Variants in SLC26A7 observed in about 807,000 individuals in gnomAD.
The protein encoded by SLC26A7 is anion exchange transporter.
Under a neutral mutation model 82.5 loss-of-function variants are expected in SLC26A7, and 59 were observed. The ratio of observed to expected loss-of-function variants is 0.72; its 90% CI spans 0.58 to 0.89. The LOEUF (loss-of-function observed/expected upper bound fraction) is 0.89, where lower values mean the gene tolerates loss of function less well. SLC26A7 is among the 40% of genes least tolerant of loss of function. SLC26A7 has a pLI of 0.00. For synonymous variants in SLC26A7, 271 were observed against 274.3 expected (o/e 0.99, Z 0.12); for missense variants, 820 against 793.0 (o/e 1.03, Z -0.41).
intron 2 of SLC26A7, among the ~76,000 whole-genome samples, chr8:91,281,131 G>A (rs1335678636): frequency 6.6e-6 from 1 of 152,124 alleles, no homozygotes; most frequent in African/African-American, 2.4e-5. Context: ...AATCAAAAAT[G>A]TTTAAATTGC....
At chr8:91,388,197 C>G (rs1273432345) in intron 15 of SLC26A7, among the ~76,000 whole-genome samples, 2 of 152,084 alleles carry the variant, frequency 1.3e-5, no homozygotes, top group East Asian at 1.9e-4. Flanking sequence ...GTGGCACGAT[C>G]TCGACTCACT....
intron 15 of SLC26A7, among the ~76,000 whole-genome samples, chr8:91,374,787 A>G (rs1814462896): frequency 6.6e-6 from 1 of 152,016 alleles, no homozygotes; most frequent in Admixed American, 6.5e-5. Flanking sequence ...TTCCTTTGTT[A>G]GTTTTCTGCC....
At chr8:91,287,384 G>A (rs1048537191) in intron 2 of SLC26A7, among the ~76,000 whole-genome samples, 5 of 152,144 alleles carry the variant, frequency 3.3e-5, no homozygotes, top group Admixed American at 6.5e-5. Context: ...AGCTATTCAC[G>A]CTATTCATAT....
intron 4 of SLC26A7, among the ~76,000 whole-genome samples, chr8:91,310,956 T>G (rs1290623792): frequency 6.6e-6 from 1 of 152,116 alleles, no homozygotes; most frequent in African/African-American, 2.4e-5. Context: ...TCTAATAAAC[T>G]TTCAATCCTG....
chr8:91,389,187 T>C (rs1287810771), intron 15 of SLC26A7, 151 bp from the exon 16 acceptor site: 2 of 619,980 alleles, frequency 3.2e-6, no homozygotes, highest in Non-Finnish European at 5.8e-6. Flanking sequence ...TCAGGAATAA[T>C]TAATAATTTA....
At chr8:91,255,767 C>T (rs1217052933) in intron 2 of SLC26A7, among the ~76,000 whole-genome samples, 2 of 151,960 alleles carry the variant, frequency 1.3e-5, no homozygotes, top group Non-Finnish European at 1.5e-5. Flanking sequence ...ATTAAAGGAC[C>T]CTGTATTTAT....
chr8:91,276,134 TTC>T (rs1338995736), intron 2 of SLC26A7, among the ~76,000 whole-genome samples: 4 of 152,200 alleles, frequency 2.6e-5, no homozygotes, highest in Admixed American at 1.3e-4. Flanking sequence ...ACTTACATAA[TTC>T]TGTCACTTTA....
At chr8:91,359,654 T>A (rs1813991398) in intron 11 of SLC26A7, among the ~76,000 whole-genome samples, 1 of 152,144 alleles carries the variant, frequency 6.6e-6, no homozygotes, top group African/African-American at 2.4e-5. Flanking sequence ...AGTGGATAGA[T>A]ATCTCTTAGC....
chr8:91,324,769 G>A (rs572938997), intron 5 of SLC26A7, among the ~76,000 whole-genome samples: 113 of 152,294 alleles, frequency 7.4e-4, no homozygotes, highest in African/African-American at 2.2e-3. Flanking sequence ...GGTGGGTAAC[G>A]TGGTCAAGTG....
chr8:91,332,386 A>T (rs1014204864), intron 5 of SLC26A7, among the ~76,000 whole-genome samples: 16 of 128,688 alleles, frequency 1.2e-4, no homozygotes, highest in Admixed American at 9.4e-4. Flanking sequence ...ATAATAATTT[A>T]AAAATATATT....
chr8:91,364,555 AT>A (rs1439284411), intron 13 of SLC26A7, among the ~76,000 whole-genome samples: 10 of 152,226 alleles, frequency 6.6e-5, no homozygotes, highest in African/African-American at 1.9e-4. Flanking sequence ...TTCCATGGGA[AT>A]TTAGTGCTTG....
chr8:91,362,481 C>A, intron 12 of SLC26A7, 22 bp downstream of exon 12: 1 of 1,592,822 alleles, frequency 6.3e-7, no homozygotes, highest in South Asian at 1.1e-5. Flanking sequence ...TGTAAATGCT[C>A]TGTTTATTTT....
intron 16 of SLC26A7, among the ~76,000 whole-genome samples, chr8:91,391,419 C>A (rs2130907687): frequency 6.6e-6 from 1 of 152,290 alleles, no homozygotes; most frequent in South Asian, 2.1e-4. Flanking sequence ...TATCAGAGGC[C>A]TGAAATCTAG....
chr8:91,262,479 C>T (rs1810996081), intron 2 of SLC26A7, among the ~76,000 whole-genome samples: 2 of 151,942 alleles, frequency 1.3e-5, no homozygotes, highest in South Asian at 4.1e-4. Flanking sequence ...GTGGGTAAAC[C>T]TGAGCCCATG....
intron 2 of SLC26A7, among the ~76,000 whole-genome samples, chr8:91,253,405 C>T (rs78235406): frequency 0.013 from 1,912 of 152,126 alleles, 34 homozygotes; most frequent in African/African-American, 0.044. Context: ...TTTCATGGGC[C>T]CTGCAGTCGC....
At chr8:91,283,940 A>T (rs1482634748) in intron 2 of SLC26A7, among the ~76,000 whole-genome samples, 1 of 152,172 alleles carries the variant, frequency 6.6e-6, no homozygotes, top group African/African-American at 2.4e-5. Flanking sequence ...ACCATCGCCG[A>T]ATGCAGTAAT....
intron 15 of SLC26A7, among the ~76,000 whole-genome samples, chr8:91,374,827 A>T (rs1272002751): frequency 6.6e-6 from 1 of 151,984 alleles, no homozygotes; most frequent in African/African-American, 2.4e-5. Context: ...TGCCAGTGTG[A>T]TATTGAAGTC....
chr8:91,339,773 T>C (rs114930991), intron 7 of SLC26A7, among the ~76,000 whole-genome samples: 4,277 of 152,106 alleles, frequency 0.028, 58 homozygotes, highest in African/African-American at 0.035. Context: ...GGGTATTATT[T>C]GAGAGAAATA....
chr8:91,243,776 CG>C (rs1242021518), intron 2 of SLC26A7, among the ~76,000 whole-genome samples: 1 of 152,060 alleles, frequency 6.6e-6, no homozygotes, highest in Non-Finnish European at 1.5e-5. Context: ...AGCAGCAAGA[CG>C]GTAGATTTAA....
Sources: gnomAD v4.1 joint callset for allele counts (sites outside exome capture counted in the v4.1 genomes callset) on GRCh38, gnomAD v4.1.1 for gene constraint, MANE v1.5 for transcripts, NCBI Gene and HGNC (gene_info 2026-07-23, HGNC 2026-07-21) for gene names.